Variants in BRINP1 observed in about 807,000 individuals in gnomAD.
The protein encoded by BRINP1 is BMP/retinoic acid-inducible neural-specific protein 1.
BRINP1 carries 17 observed loss-of-function variants against 72.9 expected under a neutral mutation model. That is an observed-to-expected ratio of 0.23 (90% CI 0.16 to 0.35). The LOEUF is 0.35. BRINP1 is among the 10% of genes least tolerant of loss of function. The pLI is 1.00. For synonymous variants in BRINP1, 418 were observed against 378.5 expected, an observed-to-expected ratio of 1.10 and a Z score of -1.21; for missense variants, 850 against 1,001.6, an observed-to-expected ratio of 0.85 and a Z score of 2.04.
At chr9:119,322,799 T>A (rs901865540) in intron 1 of BRINP1, among the ~76,000 whole-genome samples, 5 of 152,216 alleles carry the variant, frequency 3.3e-5, no homozygotes, top group African/African-American at 1.2e-4. Context: ...ACCTTGGGCA[T>A]GTTATTAACC....
chr9:119,259,383 A>G (rs1317660253), intron 2 of BRINP1, among the ~76,000 whole-genome samples: 1 of 152,246 alleles, frequency 6.6e-6, no homozygotes, highest in Non-Finnish European at 1.5e-5. Context: ...AATGTTAGCT[A>G]CGTATCCTGC....
intron 2 of BRINP1, among the ~76,000 whole-genome samples, chr9:119,297,042 A>T (rs1830888049): frequency 6.6e-6 from 1 of 152,138 alleles, no homozygotes; most frequent in Admixed American, 6.6e-5. Flanking sequence ...GAGACGGAAA[A>T]TAGTTACTGT....
At chr9:119,230,144 A>C (rs1588171227) in intron 5 of BRINP1, among the ~76,000 whole-genome samples, 1 of 152,174 alleles carries the variant, frequency 6.6e-6, no homozygotes, top group Middle Eastern at 3.4e-3. Flanking sequence ...AATAAAAATA[A>C]TAGTTTTCAA....
intron 1 of BRINP1, among the ~76,000 whole-genome samples, chr9:119,348,214 A>G (rs988560916): frequency 2.0e-5 from 3 of 152,184 alleles, no homozygotes; most frequent in Admixed American, 1.3e-4. Flanking sequence ...GAATTATACA[A>G]TATACATCCT....
At chr9:119,260,522 T>C (rs956129321) in intron 2 of BRINP1, among the ~76,000 whole-genome samples, 1 of 152,214 alleles carries the variant, frequency 6.6e-6, no homozygotes, top group Admixed American at 6.5e-5. Flanking sequence ...CTGACAGAGA[T>C]AGATAGATCA....
Position 119,368,265 on chromosome 9 carries a change from C to G in BRINP1, c.-51+791G>C, listed in dbSNP as rs1022016848. On this transcript the variant is annotated intron_variant, in intron 1 of 7. Transcript: ENST00000265922. The surrounding 1 kb of genome is among the most constrained non-coding windows in gnomAD (Gnocchi z 4.7). The stretch of plus-strand genomic sequence containing the variant: ...GCCCACCGCTGACTTCCCCCTTTCT[C>G]TGTCACCCACTATCCAGTGTCTCCA... 2.6e-5 allele frequency among the ~76,000 whole-genome samples: 4 copies of G among 152,194 alleles called. No individual in the cohort carries two copies. Among genetic ancestry groups the G allele is most frequent in the Non-Finnish European group, 5.9e-5 (4 of 68,036 alleles).
rs117765501 is a variant in BRINP1 at position 119,237,049 on chromosome 9, T to C, written c.685+1606A>G. Among the ~76,000 whole-genome samples the C allele has an allele frequency of 3.0e-3, 457 of 152,070 alleles. 26 individuals carry two copies. The East Asian group carries it at 0.071, about 24-fold the overall frequency. ...TGTAACGGGAGCATGAATCAAAGAGTTGCCAAAAGGAACCAGAAAATAAAA... is the reference window on the plus strand; with the variant it reads ...TGTAACGGGAGCATGAATCAAAGAGCTGCCAAAAGGAACCAGAAAATAAAA... On this transcript the variant is annotated intron_variant, in intron 5 of 7. Coordinates refer to ENST00000265922, the MANE Select transcript of BRINP1 (RefSeq NM_014618.3).
chr9:119,356,489 A>G (rs1831567194), intron 1 of BRINP1, among the ~76,000 whole-genome samples: 1 of 152,170 alleles, frequency 6.6e-6, no homozygotes, highest in Non-Finnish European at 1.5e-5. Flanking sequence ...GCATCTGGCA[A>G]AGGATGAGTG....
At chr9:119,172,613 C>A (rs577366585) in intron 7 of BRINP1, among the ~76,000 whole-genome samples, 46 of 151,396 alleles carry the variant, frequency 3.0e-4, no homozygotes, top group African/African-American at 1.0e-3. Flanking sequence ...AAGAGGGAAT[C>A]CTCCCTAACT....
intron 2 of BRINP1, among the ~76,000 whole-genome samples, chr9:119,253,280 G>A (rs1003980928): frequency 5.9e-5 from 9 of 152,078 alleles, no homozygotes; most frequent in African/African-American, 2.2e-4. Flanking sequence ...CCAAAAGAAT[G>A]GAAATACATA....
At chr9:119,327,392 A>G (rs1403635713) in intron 1 of BRINP1, among the ~76,000 whole-genome samples, 1 of 152,186 alleles carries the variant, frequency 6.6e-6, no homozygotes, top group African/African-American at 2.4e-5. Context: ...TATGTCCAGC[A>G]TCTGGAACTA....
At chr9:119,250,663 C>T (rs1388381677) in intron 2 of BRINP1, among the ~76,000 whole-genome samples, 2 of 152,162 alleles carry the variant, frequency 1.3e-5, no homozygotes, top group Non-Finnish European at 2.9e-5. Flanking sequence ...ATACAGTAAA[C>T]TTGGAGCATA....
intron 2 of BRINP1, among the ~76,000 whole-genome samples, chr9:119,288,325 C>T (rs770065015): frequency 4.6e-5 from 7 of 150,916 alleles, no homozygotes; most frequent in Non-Finnish European, 8.9e-5. Flanking sequence ...ATAGTCACAA[C>T]TAGGTACTTA....
At chr9:119,245,115 A>T (rs1002750295) in intron 3 of BRINP1, among the ~76,000 whole-genome samples, 2 of 152,172 alleles carry the variant, frequency 1.3e-5, no homozygotes, top group Non-Finnish European at 2.9e-5. Flanking sequence ...GAATATACAA[A>T]TAAACAAAAA....
chr9:119,342,567 C>T (rs1831415915), intron 1 of BRINP1, among the ~76,000 whole-genome samples: 1 of 152,210 alleles, frequency 6.6e-6, no homozygotes, highest in African/African-American at 2.4e-5. Flanking sequence ...CTGCCTAAGC[C>T]TCCATTTATG....
intron 7 of BRINP1, among the ~76,000 whole-genome samples, chr9:119,202,508 TAA>T (rs1829815555): frequency 6.6e-6 from 1 of 152,186 alleles, no homozygotes; most frequent in Non-Finnish European, 1.5e-5. Flanking sequence ...AGCCAAGGCT[TAA>T]AAAGTCTCAG....
At chr9:119,258,097 G>C in intron 2 of BRINP1, among the ~76,000 whole-genome samples, 1 of 152,154 alleles carries the variant, frequency 6.6e-6, no homozygotes, top group East Asian at 1.9e-4. Context: ...AGTACTCCTT[G>C]CTTATAATGT....
At chr9:119,309,070 A>G (rs1831033232) in intron 2 of BRINP1, among the ~76,000 whole-genome samples, 1 of 152,244 alleles carries the variant, frequency 6.6e-6, no homozygotes, top group African/African-American at 2.4e-5. Context: ...GAATAAAAGA[A>G]TAATTCCTAG....
chr9:119,173,303 T>G (rs966934517), intron 7 of BRINP1, among the ~76,000 whole-genome samples: 1 of 149,084 alleles, frequency 6.7e-6, no homozygotes, highest in Non-Finnish European at 1.5e-5. Flanking sequence ...ACAAAATCAA[T>G]GTACAAAAAT....
Sources: allele counts gnomAD v4.1 joint callset (sites outside exome capture counted in the v4.1 genomes callset), GRCh38; gene constraint gnomAD v4.1.1; non-coding constraint Gnocchi (gnomAD v3.1); transcripts MANE v1.5; gene names NCBI Gene and HGNC (gene_info 2026-07-23, HGNC 2026-07-21).